Variants in SEMA6D observed in about 807,000 individuals in gnomAD.
SEMA6D encodes semaphorin 6D.
Under a neutral mutation model 106.6 loss-of-function variants are expected in SEMA6D, and 35 were observed. The ratio of observed to expected loss-of-function variants is 0.33; its 90% confidence interval spans 0.25 to 0.44. The LOEUF (loss-of-function observed/expected upper bound fraction) is 0.44, where lower values mean the gene tolerates loss of function less well. Ranked by LOEUF, SEMA6D falls within the 20% of genes least tolerant of loss-of-function variation. The pLI, the probability that SEMA6D is intolerant of heterozygous loss-of-function variation, is 1.00. For missense variants in SEMA6D, 1,185 were observed against 1,345.9 expected (o/e 0.88, Z 1.87); for synonymous variants, 499 against 487.7 (o/e 1.02, Z -0.31).
intron 3 of SEMA6D, among the ~76,000 whole-genome samples, chr15:47,485,979 C>T (rs1232384575): frequency 2.6e-5 from 4 of 152,134 alleles, no homozygotes; most frequent in South Asian, 2.1e-4. Flanking sequence ...AAAACCACTC[C>T]GTAGTAAACT....
At chr15:47,655,965 A>G (rs1173244846) in intron 4 of SEMA6D, among the ~76,000 whole-genome samples, 2 of 152,244 alleles carry the variant, frequency 1.3e-5, no homozygotes, top group Non-Finnish European at 2.9e-5. Flanking sequence ...CTGCCTTTTT[A>G]TTTCAGCTCT....
intron 2 of SEMA6D, among the ~76,000 whole-genome samples, chr15:47,423,904 C>A (rs994575486): frequency 7.2e-5 from 11 of 152,020 alleles, no homozygotes; most frequent in Non-Finnish European, 1.6e-4. Context: ...ATACTAAAAT[C>A]ATTTAAAGAT....
rs548460034 is a variant in SEMA6D at position 47,493,141 on chromosome 15, A to G, written c.-87+22596A>G. The stretch of plus-strand genomic sequence containing the variant: ...ATTAGATTCTCCATATGTCCGCTAA[A>G]GGTCCCCATAGGAGGTTCTCATCCC... On this transcript the variant is annotated intron_variant, in intron 3 of 19. Transcript: ENST00000558014. Among the ~76,000 whole-genome samples the G allele has an allele frequency of 2.6e-5, 4 of 152,310 alleles. No individual in the cohort carries two copies. The East Asian group carries it at 7.7e-4, about 29-fold the overall frequency.
chr15:47,734,165 C>T (rs931991771), intron 1 of SEMA6D, among the ~76,000 whole-genome samples: 17 of 152,148 alleles, frequency 1.1e-4, no homozygotes, highest in African/African-American at 3.9e-4. Flanking sequence ...CTCAACCTGT[C>T]CCTCAGTCGT....
At chr15:47,444,261 C>T (rs1212547294) in intron 2 of SEMA6D, among the ~76,000 whole-genome samples, 2 of 152,104 alleles carry the variant, frequency 1.3e-5, no homozygotes, top group Non-Finnish European at 2.9e-5. Context: ...TTGTGTCCCC[C>T]AAATAAGTAG....
intron 1 of SEMA6D, among the ~76,000 whole-genome samples, chr15:47,748,988 A>G (rs2081284775): frequency 6.6e-6 from 1 of 152,056 alleles, no homozygotes; most frequent in Non-Finnish European, 1.5e-5. Context: ...GGGGCCGTCT[A>G]GGAAGACTCC....
At chr15:47,330,290 A>G (rs1037460168) in intron 1 of SEMA6D, among the ~76,000 whole-genome samples, 14 of 152,208 alleles carry the variant, frequency 9.2e-5, no homozygotes, top group African/African-American at 3.4e-4. Flanking sequence ...GGTGACCCAT[A>G]GGTAACCAAG....
At chr15:47,391,656 T>C in intron 1 of SEMA6D, among the ~76,000 whole-genome samples, 1 of 118,366 alleles carries the variant, frequency 8.4e-6, no homozygotes, top group East Asian at 2.3e-4. Flanking sequence ...GAAACAACTA[T>C]TGATTTTTTT....
At chr15:47,500,612 G>T (rs1294533325) in intron 3 of SEMA6D, among the ~76,000 whole-genome samples, 3 of 152,112 alleles carry the variant, frequency 2.0e-5, no homozygotes, top group African/African-American at 7.2e-5. Flanking sequence ...GAAAAATTTT[G>T]TTAGAGGCCA....
chr15:47,601,109 A>C (rs1251970467), intron 4 of SEMA6D, among the ~76,000 whole-genome samples: 1 of 152,036 alleles, frequency 6.6e-6, no homozygotes, highest in Non-Finnish European at 1.5e-5. Flanking sequence ...AGAGAGAGAG[A>C]GAGAGAGAAA....
At chr15:47,676,741 C>T (rs1186261535) in intron 4 of SEMA6D, among the ~76,000 whole-genome samples, 1 of 152,120 alleles carries the variant, frequency 6.6e-6, no homozygotes, top group Non-Finnish European at 1.5e-5. Flanking sequence ...ACAAACCACC[C>T]CAACACATAG....
chr15:47,445,940 G>C (rs1291891970), intron 2 of SEMA6D, among the ~76,000 whole-genome samples: 2 of 152,064 alleles, frequency 1.3e-5, no homozygotes, highest in Non-Finnish European at 2.9e-5. Context: ...TTGGGGGATG[G>C]GGCTTAAACC....
chr15:47,433,893 C>G (rs913960621), intron 2 of SEMA6D, among the ~76,000 whole-genome samples: 1 of 152,114 alleles, frequency 6.6e-6, no homozygotes, highest in Non-Finnish European at 1.5e-5. Context: ...ATAGAAGCAT[C>G]ATCTTCTAAC....
intron 3 of SEMA6D, among the ~76,000 whole-genome samples, chr15:47,595,381 G>C (rs1863900535): frequency 6.6e-6 from 1 of 152,132 alleles, no homozygotes; most frequent in Non-Finnish European, 1.5e-5. Context: ...CACATCTATA[G>C]ATTCACATAT....
chr15:47,319,694 TAAG>T (rs2036849443), intron 1 of SEMA6D, among the ~76,000 whole-genome samples: 1 of 152,094 alleles, frequency 6.6e-6, no homozygotes, highest in Non-Finnish European at 1.5e-5. Context: ...CACACCTTAT[TAAG>T]AAGAACAGAG....
intron 2 of SEMA6D, among the ~76,000 whole-genome samples, chr15:47,443,141 A>G (rs1266531391): frequency 2.6e-5 from 4 of 152,132 alleles, no homozygotes; most frequent in African/African-American, 7.2e-5. Context: ...TAGATATGTC[A>G]CCTTGTGGCA....
chr15:47,385,804 G>C (rs2039816901), intron 1 of SEMA6D, among the ~76,000 whole-genome samples: 1 of 152,172 alleles, frequency 6.6e-6, no homozygotes, highest in South Asian at 2.1e-4. Context: ...TTAGCCTTCT[G>C]CTTCCAAGGA....
At chr15:47,362,003 GT>G (rs1662093919) in intron 1 of SEMA6D, among the ~76,000 whole-genome samples, 2 of 152,208 alleles carry the variant, frequency 1.3e-5, no homozygotes, top group African/African-American at 2.4e-5. Flanking sequence ...GCTTGTTAGA[GT>G]AAATTAGACT....
At chr15:47,718,764 A>T (rs1567016641) in intron 1 of SEMA6D, 2 of 152,216 alleles carry the variant, frequency 1.3e-5, no homozygotes, top group African/African-American at 4.8e-5. Flanking sequence ...ACAAATAAGG[A>T]AGAGTCAATT....
Sources: allele counts gnomAD v4.1 joint callset (sites outside exome capture counted in the v4.1 genomes callset), GRCh38; gene constraint gnomAD v4.1.1; transcripts MANE v1.5; gene names NCBI Gene and HGNC (gene_info 2026-07-23, HGNC 2026-07-21).